Variants in PDGFC observed in about 807,000 individuals in gnomAD.
PDGFC encodes platelet derived growth factor C.
Under a neutral mutation model 35.5 loss-of-function variants are expected in PDGFC, and 12 were observed. The ratio of observed to expected loss-of-function variants is 0.34; its 90% CI spans 0.22 to 0.55. The LOEUF (loss-of-function observed/expected upper bound fraction) is 0.55. PDGFC is among the 20% of genes least tolerant of loss of function. PDGFC has a pLI of 0.91. For synonymous variants in PDGFC, 159 were observed against 148.8 expected (o/e 1.07, Z -0.50); for missense variants, 322 against 412.4 (o/e 0.78, Z 1.90).
intron 3 of PDGFC, among the ~76,000 whole-genome samples, chr4:156,775,489 T>G (rs1730805256): frequency 6.6e-6 from 1 of 152,180 alleles, no homozygotes; most frequent in Non-Finnish European, 1.5e-5. Flanking sequence ...AATTGCTATG[T>G]AGGGTAATTT....
At chr4:156,804,171 T>A (rs1731691908) in intron 3 of PDGFC, among the ~76,000 whole-genome samples, 1 of 151,872 alleles carries the variant, frequency 6.6e-6, no homozygotes, top group South Asian at 2.1e-4. Flanking sequence ...TATAAAAAAA[T>A]TCACCAAAAT....
chr4:156,800,529 C>T (rs1731572483), intron 3 of PDGFC, among the ~76,000 whole-genome samples: 2 of 152,056 alleles, frequency 1.3e-5, no homozygotes, highest in Admixed American at 1.3e-4. Context: ...AATATATTAA[C>T]AGCATTACTA....
chr4:156,846,359 G>T lies in PDGFC; in HGVS notation c.314+3862C>A, dbSNP rs191592677. Among the ~76,000 whole-genome samples, 19 of 151,778 alleles carry T rather than the reference G, an allele frequency of 1.3e-4. No individual in the cohort carries two copies. In the East Asian group the frequency reaches 3.7e-3, roughly 29 times the overall value. ...CATTCTGGCCAATATATTTAAGCAG[G>T]ACCTAATTATGAAGAAATATGCAGA... On this transcript the variant is annotated intron_variant, in intron 2 of 5. Coordinates refer to ENST00000502773, the MANE Select transcript of PDGFC (RefSeq NM_016205.3).
At chr4:156,842,941 TA>T (rs1729239233) in intron 2 of PDGFC, among the ~76,000 whole-genome samples, 1 of 152,308 alleles carries the variant, frequency 6.6e-6, no homozygotes, top group African/African-American at 2.4e-5. Context: ...CTTCAATACT[TA>T]GATTACTTCT....
intron 1 of PDGFC, among the ~76,000 whole-genome samples, chr4:156,858,165 T>C (rs926884099): frequency 1.3e-5 from 2 of 152,022 alleles, no homozygotes; most frequent in Non-Finnish European, 2.9e-5. Context: ...ATTTGCATCA[T>C]AAAAGACTCA....
At position 156,933,553 on chromosome 4, in the gene PDGFC, A is replaced by G. The variant is rs535158214; in HGVS notation, c.118+37233T>C. 5.4e-4 allele frequency among the ~76,000 whole-genome samples: 82 copies of G among 152,202 alleles called. 2 individuals carry two copies. The South Asian group carries it at 0.017, about 32-fold the overall frequency. On this transcript the variant is annotated intron_variant, in intron 1 of 5. Coordinates refer to ENST00000502773, the MANE Select transcript of PDGFC (RefSeq NM_016205.3). Reference sequence around the variant, plus strand: ...CTCAATTTTTTGCTATTATTTGGTAATTTTGCTGTTTAAAATTTCCCAAAG... The same window carrying G: ...CTCAATTTTTTGCTATTATTTGGTAGTTTTGCTGTTTAAAATTTCCCAAAG...
intron 2 of PDGFC, among the ~76,000 whole-genome samples, chr4:156,813,041 T>C (rs1024130385): frequency 3.3e-5 from 5 of 152,046 alleles, no homozygotes; most frequent in African/African-American, 1.2e-4. Flanking sequence ...TTTTAGTGTA[T>C]GTGTGTGCGG....
intron 1 of PDGFC, among the ~76,000 whole-genome samples, chr4:156,895,739 T>C (rs1016465296): frequency 4.6e-5 from 7 of 152,068 alleles, no homozygotes; most frequent in African/African-American, 1.7e-4. Context: ...TATACCTGTA[T>C]ATAACATATA....
At chr4:156,846,617 G>T (rs1011821869) in intron 2 of PDGFC, among the ~76,000 whole-genome samples, 4 of 151,626 alleles carry the variant, frequency 2.6e-5, no homozygotes, top group African/African-American at 9.7e-5. Flanking sequence ...AAAACATTTG[G>T]GGATGATGGG....
At chr4:156,827,874 T>G (rs1728819202) in intron 2 of PDGFC, among the ~76,000 whole-genome samples, 1 of 152,192 alleles carries the variant, frequency 6.6e-6, no homozygotes, top group South Asian at 2.1e-4. Flanking sequence ...CAGTATATGA[T>G]GAGGTCCTCA....
intron 1 of PDGFC, among the ~76,000 whole-genome samples, chr4:156,895,739 T>A (rs1016465296): frequency 6.6e-6 from 1 of 152,068 alleles, no homozygotes; most frequent in African/African-American, 2.4e-5. Context: ...TATACCTGTA[T>A]ATAACATATA....
intron 2 of PDGFC, among the ~76,000 whole-genome samples, chr4:156,813,979 C>T (rs1732011308): frequency 6.6e-6 from 1 of 152,090 alleles, no homozygotes; most frequent in Non-Finnish European, 1.5e-5. Context: ...ACACCCCAGG[C>T]ACATAGTAAA....
chr4:156,950,196 G>A lies in PDGFC; in HGVS notation c.118+20590C>T, dbSNP rs1167059521. Among the ~76,000 whole-genome samples, 7 of 151,930 alleles carry A rather than the reference G, an allele frequency of 4.6e-5. No homozygotes were observed. The South Asian group carries it at 6.2e-4, about 13-fold the overall frequency. On this transcript the variant is annotated intron_variant, in intron 1 of 5. Transcript: ENST00000502773. ...TTCTCCAGTTATCTGCCGAAAAGTAGTACATAAATTTTCCTTTTTGAAGAT... is the reference window on the plus strand; with the variant it reads ...TTCTCCAGTTATCTGCCGAAAAGTAATACATAAATTTTCCTTTTTGAAGAT...
intron 1 of PDGFC, among the ~76,000 whole-genome samples, chr4:156,920,374 A>G (rs1731244337): frequency 6.6e-6 from 1 of 152,204 alleles, no homozygotes; most frequent in Admixed American, 6.5e-5. Flanking sequence ...GTAGCCGTTA[A>G]TAACACCATT....
intron 1 of PDGFC, among the ~76,000 whole-genome samples, chr4:156,888,152 T>C (rs1292176186): frequency 6.6e-6 from 1 of 152,206 alleles, no homozygotes; most frequent in African/African-American, 2.4e-5. Flanking sequence ...TTGTCAACCG[T>C]AGTACTTGTT....
chr4:156,943,421 A>G (rs1299536811), intron 1 of PDGFC, among the ~76,000 whole-genome samples: 1 of 152,066 alleles, frequency 6.6e-6, no homozygotes, highest in Non-Finnish European at 1.5e-5. Context: ...AATTATTAGA[A>G]ATGCAGAATC....
chr4:156,781,605 A>T (rs1730981246), intron 3 of PDGFC, among the ~76,000 whole-genome samples: 2 of 152,010 alleles, frequency 1.3e-5, no homozygotes, highest in Admixed American at 1.3e-4. Flanking sequence ...TCCCAGGTAC[A>T]TTTTATCCTG....
chr4:156,907,576 A>T (rs1730944444), intron 1 of PDGFC, among the ~76,000 whole-genome samples: 1 of 152,184 alleles, frequency 6.6e-6, no homozygotes. Context: ...GGTTGAAAAG[A>T]ATCTTCGAGG....
intron 1 of PDGFC, among the ~76,000 whole-genome samples, chr4:156,956,278 T>C (rs981151464): frequency 1.3e-5 from 2 of 152,156 alleles, no homozygotes; most frequent in East Asian, 1.9e-4. Context: ...GACAGCACAG[T>C]AGCCATGGAG....
Sources: gnomAD v4.1 joint callset for allele counts (sites outside exome capture counted in the v4.1 genomes callset) on GRCh38, gnomAD v4.1.1 for gene constraint, MANE v1.5 for transcripts, NCBI Gene and HGNC (gene_info 2026-07-23, HGNC 2026-07-21) for gene names.